Variants in PALLD observed in about 807,000 individuals in gnomAD.
PALLD encodes palladin.
In PALLD, 61 loss-of-function variants were observed where a neutral mutation model predicts 123.5. That is an observed-to-expected ratio of 0.49 (90% CI 0.40 to 0.61). The LOEUF (loss-of-function observed/expected upper bound fraction) is 0.61, where lower values mean the gene tolerates loss of function less well. Ranked by LOEUF, PALLD falls within the 20% of genes least tolerant of loss-of-function variation. The probability of loss-of-function intolerance (pLI) is 0.00; values close to 1 mark genes in which losing one functional copy is unlikely to be tolerated. For missense variants in PALLD, 1,273 were observed against 1,377.0 expected, an observed-to-expected ratio of 0.92 and a Z score of 1.20; for synonymous variants, 465 against 496.4, an observed-to-expected ratio of 0.94 and a Z score of 0.84.
At position 168,763,252 on chromosome 4, in the gene PALLD, A is replaced by G. The variant is rs189744536; in HGVS notation, c.1964+51329A>G. On this transcript the variant is annotated intron_variant, in intron 10 of 21. Coordinates refer to ENST00000505667, the MANE Select transcript of PALLD (RefSeq NM_001166108.2). ...ATCAGTTACAACACTGTTTTAATCTATGAAATTATTTCAGTGTCTTTCTAT... is the reference window on the plus strand; with the variant it reads ...ATCAGTTACAACACTGTTTTAATCTGTGAAATTATTTCAGTGTCTTTCTAT... 7.0e-4 allele frequency among the ~76,000 whole-genome samples: 106 copies of G among 152,364 alleles called. 1 individual carries two copies. The East Asian group carries it at 7.3e-3, about 11-fold the overall frequency.
chr4:168,584,013 C>G (rs1036967745), intron 2 of PALLD, among the ~76,000 whole-genome samples: 2 of 152,120 alleles, frequency 1.3e-5, no homozygotes, highest in African/African-American at 4.8e-5. Context: ...GCATGAAACT[C>G]TGTGCGTGGG....
intron 2 of PALLD, among the ~76,000 whole-genome samples, chr4:168,601,870 T>C (rs1344080377): frequency 2.0e-5 from 3 of 152,194 alleles, no homozygotes; most frequent in Admixed American, 1.3e-4. Context: ...TCTCTACTTT[T>C]CTATCCCTTC....
intron 2 of PALLD, among the ~76,000 whole-genome samples, chr4:168,551,500 A>G (rs2149539722): frequency 6.6e-6 from 1 of 152,326 alleles, no homozygotes; most frequent in East Asian, 1.9e-4. Flanking sequence ...AAGGAAATAA[A>G]ACAAAATTTC....
At chr4:168,888,317 C>T (rs886834862) in intron 10 of PALLD, among the ~76,000 whole-genome samples, 11 of 152,154 alleles carry the variant, frequency 7.2e-5, no homozygotes, top group African/African-American at 2.7e-4. Context: ...AGCATATTTT[C>T]CACTGTAGGT....
At chr4:168,778,133 C>G (rs967016735) in intron 10 of PALLD, among the ~76,000 whole-genome samples, 1 of 152,150 alleles carries the variant, frequency 6.6e-6, no homozygotes, top group Non-Finnish European at 1.5e-5. Context: ...CTTTTCCTTC[C>G]TCTTTTCTTT....
Position 168,890,932 on chromosome 4 carries a change from A to C in PALLD, c.1975A>C (p.Lys659Gln). ...LLAKPKLGFP[K>Q]KASRTARIAS... is the part of the protein sequence containing the mutation. Reference sequence around the variant, plus strand: ...GTTTTTATCCTGCAGAGGATTTCCAAAGAAGGCCAGTAGAACTGCTAGAAT... The same window carrying C: ...GTTTTTATCCTGCAGAGGATTTCCACAGAAGGCCAGTAGAACTGCTAGAAT... The change falls in exon 11 of 22, where the codon AAG becomes CAG. Residue 659 changes from lysine to glutamine, a missense_variant. Coordinates refer to ENST00000505667, the MANE Select transcript of PALLD (RefSeq NM_001166108.2). 6.2e-7 allele frequency: 1 copy of C among 1,613,884 alleles called. No homozygotes were observed.
At chr4:168,835,587 G>C (rs114426705) in intron 10 of PALLD, among the ~76,000 whole-genome samples, 1 of 151,962 alleles carries the variant, frequency 6.6e-6, no homozygotes, top group East Asian at 1.9e-4. Context: ...GAGATTGCAC[G>C]AATTTAAGGG....
intron 2 of PALLD, among the ~76,000 whole-genome samples, chr4:168,552,247 C>A (rs1279914270): frequency 6.6e-6 from 1 of 152,106 alleles, no homozygotes; most frequent in Non-Finnish European, 1.5e-5. Context: ...AGGAATCACA[C>A]TCATGAAGGG....
intron 2 of PALLD, among the ~76,000 whole-genome samples, chr4:168,630,058 A>G (rs926585265): frequency 7.2e-5 from 11 of 152,200 alleles, no homozygotes; most frequent in Non-Finnish European, 1.5e-4. Context: ...GAAACCCTCC[A>G]AATTTTTCCT....
chr4:168,882,178 A>G (rs758797337), intron 10 of PALLD, among the ~76,000 whole-genome samples: 2 of 152,214 alleles, frequency 1.3e-5, no homozygotes, highest in Non-Finnish European at 2.9e-5. Flanking sequence ...CTTTTATTAT[A>G]TAGGCCCACA....
chr4:168,800,164 A>G (rs941980003), intron 10 of PALLD, among the ~76,000 whole-genome samples: 3 of 152,196 alleles, frequency 2.0e-5, no homozygotes, highest in Admixed American at 1.3e-4. Flanking sequence ...CTTCTGTTTT[A>G]TAAGGAATTT....
intron 10 of PALLD, among the ~76,000 whole-genome samples, chr4:168,885,130 C>T (rs1482395408): frequency 6.6e-6 from 1 of 152,206 alleles, no homozygotes; most frequent in Admixed American, 6.5e-5. Flanking sequence ...TGTCTACATC[C>T]TTGTCATCTT....
chr4:168,852,724 C>T (rs184574820), intron 10 of PALLD, among the ~76,000 whole-genome samples: 136 of 152,310 alleles, frequency 8.9e-4, no homozygotes, highest in Admixed American at 1.8e-3. Context: ...GGTTATTTTG[C>T]AAGAGGTATT....
intron 2 of PALLD, among the ~76,000 whole-genome samples, chr4:168,548,030 G>GAGCAAACAAACAAACA (rs1766340233): frequency 1.4e-5 from 2 of 147,190 alleles, no homozygotes; most frequent in Admixed American, 1.3e-4. Context: ...GGGCAACAAA[G>GAGCAAACAAACAAACA]AGCAAACAAA....
At chr4:168,660,034 T>C (rs1778977748) in intron 2 of PALLD, among the ~76,000 whole-genome samples, 1 of 152,194 alleles carries the variant, frequency 6.6e-6, no homozygotes, top group Non-Finnish European at 1.5e-5. Context: ...GAATTTATTA[T>C]CATAAAAATC....
At chr4:168,662,829 C>A (rs973100903) in intron 2 of PALLD, among the ~76,000 whole-genome samples, 16 of 152,180 alleles carry the variant, frequency 1.1e-4, no homozygotes, top group Non-Finnish European at 1.3e-4. Context: ...CCATCTCGTC[C>A]AATGTGTGGT....
chr4:168,796,726 A>G (rs1738564969), intron 10 of PALLD, among the ~76,000 whole-genome samples: 1 of 152,220 alleles, frequency 6.6e-6, no homozygotes, highest in East Asian at 1.9e-4. Context: ...AAATATTCAT[A>G]TGCAGGAAAT....
Position 168,898,616 on chromosome 4 carries a change from A to C in PALLD, c.2374A>C (p.Met792Leu). 1 of 1,613,952 alleles carries C rather than the reference A, an allele frequency of 6.2e-7. No homozygotes were observed. The highest frequency in any genetic ancestry group is 1.3e-5 in the African/African-American group (1 of 75,070). Residue 792 changes from methionine (M) to leucine (L), a missense_variant, in exon 14 of 22, where the codon ATG (methionine) becomes CTG (leucine). This residue lies in a region of PALLD where 329 missense variants were observed against 422.5 expected (regional missense o/e 0.78). Coordinates refer to ENST00000505667, the MANE Select transcript of PALLD (RefSeq NM_001166108.2). The part of the protein sequence containing the change: ...QYGDVPVENG[M>L]APFFEMKLKH... Reference sequence around the variant, plus strand: ...TGGAGATGTGCCTGTGGAAAATGGAATGGCACCATTCTTTGAGATGAAGCT... The same window carrying C: ...TGGAGATGTGCCTGTGGAAAATGGACTGGCACCATTCTTTGAGATGAAGCT...
intron 10 of PALLD, among the ~76,000 whole-genome samples, chr4:168,720,854 CT>C (rs1055075256): frequency 1.3e-5 from 2 of 152,150 alleles, no homozygotes; most frequent in African/African-American, 4.8e-5. Flanking sequence ...AAGTATAAAA[CT>C]TTTTTAACTA....
Sources: allele counts gnomAD v4.1 joint callset (sites outside exome capture counted in the v4.1 genomes callset), GRCh38; gene constraint gnomAD v4.1.1; regional missense constraint gnomAD v4.1.1; transcripts MANE v1.5; gene names NCBI Gene and HGNC (gene_info 2026-07-23, HGNC 2026-07-21).